The following LPP variants were observed in gnomAD, a reference collection of about 807,000 sequenced individuals.
The protein encoded by LPP is lipoma-preferred partner.
In LPP, 38 loss-of-function variants were observed where a neutral mutation model predicts 60.4. The observed-to-expected ratio is 0.63, with a 90% CI of 0.49 to 0.83. The LOEUF (loss-of-function observed/expected upper bound fraction) is 0.83. Among genes scored for constraint, LPP ranks in the 40% least tolerant of loss-of-function variants. The probability of loss-of-function intolerance (pLI) is 0.00; values close to 1 mark genes in which losing one functional copy is unlikely to be tolerated. For synonymous variants in LPP, 328 were observed against 290.8 expected (o/e 1.13, Z -1.30); for missense variants, 902 against 783.6 (o/e 1.15, Z -1.80).
intron 2 of LPP, among the ~76,000 whole-genome samples, chr3:188,240,563 A>C (rs574304526): frequency 6.6e-6 from 1 of 152,300 alleles, no homozygotes; most frequent in Admixed American, 6.5e-5. Flanking sequence ...TGAGAGCTTT[A>C]TTCAAACTCA....
At chr3:188,435,512 G>A (rs1486105025) in intron 4 of LPP, among the ~76,000 whole-genome samples, 1 of 152,030 alleles carries the variant, frequency 6.6e-6, no homozygotes, top group African/African-American at 2.4e-5. Context: ...TTTCTCTGTT[G>A]GGGGGAGGGG....
chr3:188,594,587 T>TA (rs2151139034), intron 6 of LPP, among the ~76,000 whole-genome samples: 1 of 152,352 alleles, frequency 6.6e-6, no homozygotes, highest in Non-Finnish European at 1.5e-5. Context: ...AAGTGATCAG[T>TA]AAATGCTCAA....
chr3:188,437,859 C>A (rs917144299), intron 4 of LPP, among the ~76,000 whole-genome samples: 1 of 152,118 alleles, frequency 6.6e-6, no homozygotes, highest in Non-Finnish European at 1.5e-5. Flanking sequence ...CATGCTATTA[C>A]TAGCTTCTAT....
intron 6 of LPP, among the ~76,000 whole-genome samples, chr3:188,557,335 T>C (rs1403069469): frequency 6.6e-6 from 1 of 152,002 alleles, no homozygotes; most frequent in East Asian, 1.9e-4. Context: ...TGAAAAGCGG[T>C]TTTGCAAATC....
chr3:188,175,003 A>C (rs761142947), intron 1 of LPP, among the ~76,000 whole-genome samples: 21 of 152,186 alleles, frequency 1.4e-4, no homozygotes, highest in Admixed American at 6.5e-4. Context: ...AACTTGGCAA[A>C]CAGTGAACAT....
At chr3:188,187,173 G>A (rs1373249624) in intron 1 of LPP, among the ~76,000 whole-genome samples, 7 of 152,184 alleles carry the variant, frequency 4.6e-5, no homozygotes, top group East Asian at 1.9e-4. Context: ...GGTTTTATAC[G>A]TATAGCTAAG....
intron 3 of LPP, among the ~76,000 whole-genome samples, chr3:188,347,982 TCCTA>T (rs1764848937): frequency 6.6e-6 from 1 of 152,198 alleles, no homozygotes; most frequent in Non-Finnish European, 1.5e-5. Context: ...TACTTTTATT[TCCTA>T]CCTTTCCGTT....
chr3:188,802,059 T>C (rs903657313), intron 9 of LPP, among the ~76,000 whole-genome samples: 1 of 152,182 alleles, frequency 6.6e-6, no homozygotes, highest in African/African-American at 2.4e-5. Context: ...CCCAGTTTTA[T>C]TTTTTAGATT....
intron 9 of LPP, among the ~76,000 whole-genome samples, chr3:188,811,818 T>C (rs1236561026): frequency 6.6e-6 from 1 of 152,160 alleles, no homozygotes; most frequent in East Asian, 1.9e-4. Context: ...TGTGCTTTTG[T>C]TGTTTTCTTT....
In LPP at chr3:188,485,523, C is replaced by T. The variant is rs778315924; in HGVS notation, c.306+819C>T. ...TGTAGATAAAATGGAATGGGCCGGG[C>T]GCGGTGGCTCACGCCTGTAATCCCA... On this transcript the variant is annotated intron_variant, in intron 5 of 11. Transcript: ENST00000617246. 5.4e-4 allele frequency among the ~76,000 whole-genome samples: 82 copies of T among 152,196 alleles called. 1 individual carries two copies. Among genetic ancestry groups the T allele is most frequent in the Non-Finnish European group, 7.8e-4 (53 of 68,008 alleles).
intron 5 of LPP, among the ~76,000 whole-genome samples, chr3:188,489,292 A>G (rs1201695382): frequency 2.6e-5 from 4 of 152,190 alleles, no homozygotes; most frequent in Non-Finnish European, 5.9e-5. Context: ...GTCATCATAC[A>G]TTGATCAGAA....
At chr3:188,240,648 A>G (rs1724144726) in intron 2 of LPP, among the ~76,000 whole-genome samples, 6 of 152,206 alleles carry the variant, frequency 3.9e-5, no homozygotes, top group Middle Eastern at 3.4e-3. Flanking sequence ...AAAAAAGCGT[A>G]ATCATAACTA....
chr3:188,470,319 C>CACACACACACACACACACACAT (rs138685539), intron 4 of LPP, among the ~76,000 whole-genome samples: 2 of 148,762 alleles, frequency 1.3e-5, no homozygotes, highest in East Asian at 2.0e-4. Context: ...CACACACACA[C>CACACACACACACACACACACAT]GCACACATAA....
intron 5 of LPP, among the ~76,000 whole-genome samples, chr3:188,492,122 G>T (rs1490935683): frequency 6.6e-6 from 1 of 152,166 alleles, no homozygotes; most frequent in Non-Finnish European, 1.5e-5. Context: ...ATTGATGGTG[G>T]TTAGTTCTGT....
At chr3:188,264,324 G>A (rs1734695505) in intron 2 of LPP, among the ~76,000 whole-genome samples, 1 of 151,346 alleles carries the variant, frequency 6.6e-6, no homozygotes, top group Non-Finnish European at 1.5e-5. Flanking sequence ...ATTTTGAATG[G>A]GAATAATTAT....
rs372260907 is a variant in LPP at position 188,677,785 on chromosome 3, C to T, written c.1114-30482C>T. Among the ~76,000 whole-genome samples the T allele has an allele frequency of 1.1e-4, 16 of 152,012 alleles. 1 individual carries two copies. The highest frequency in any genetic ancestry group is 3.9e-4 in the East Asian group (2 of 5,132). ...ATGTTATGGAAGTACAACAGGAGCC[C>T]GGACTGTCCATTGTCATCTAAATGA... On this transcript the variant is annotated intron_variant, in intron 7 of 11. Coordinates refer to ENST00000617246, the MANE Select transcript of LPP (RefSeq NM_001375462.1).
intron 2 of LPP, among the ~76,000 whole-genome samples, chr3:188,241,225 G>C (rs1361911214): frequency 1.3e-5 from 2 of 152,196 alleles, no homozygotes; most frequent in South Asian, 2.1e-4. Context: ...CCAACCTGCT[G>C]TTATCTGCGC....
chr3:188,567,220 C>T (rs1396141785), intron 6 of LPP, among the ~76,000 whole-genome samples: 2 of 151,764 alleles, frequency 1.3e-5, no homozygotes, highest in Non-Finnish European at 1.5e-5. Flanking sequence ...AAACTTTTCT[C>T]GTCATTAAAG....
At chr3:188,560,353 C>A (rs934740614) in intron 6 of LPP, among the ~76,000 whole-genome samples, 1 of 152,084 alleles carries the variant, frequency 6.6e-6, no homozygotes, top group Admixed American at 6.6e-5. Context: ...CTATGCAATT[C>A]AGTGAGGTCT....
Sources: gnomAD v4.1 joint callset for allele counts (sites outside exome capture counted in the v4.1 genomes callset) on GRCh38, gnomAD v4.1.1 for gene constraint, MANE v1.5 for transcripts, NCBI Gene and HGNC (gene_info 2026-07-23, HGNC 2026-07-21) for gene names.